The following CDIN1 variants were observed in gnomAD, a reference collection of about 807,000 sequenced individuals.
CDIN1 encodes CDAN1 interacting nuclease 1, also known as CDAN1-interacting nuclease 1.
A neutral mutation model predicts 45.3 loss-of-function variants in CDIN1; 33 were observed. That is an observed-to-expected ratio of 0.73 (90% CI 0.55 to 0.97). The LOEUF is 0.97. CDIN1 is among the 50% of genes least tolerant of loss of function. The pLI, the probability that CDIN1 is intolerant of heterozygous loss-of-function variation, is 0.00. For synonymous variants in CDIN1, 118 were observed against 124.4 expected (o/e 0.95, Z 0.34); for missense variants, 303 against 339.4 (o/e 0.89, Z 0.84).
At chr15:36,749,898 A>G (rs1473583158) in intron 10 of CDIN1, among the ~76,000 whole-genome samples, 1 of 152,196 alleles carries the variant, frequency 6.6e-6, no homozygotes, top group East Asian at 1.9e-4. Flanking sequence ...ACAGGGCACC[A>G]ACCAGGTCCC....
intron 5 of CDIN1, among the ~76,000 whole-genome samples, chr15:36,671,508 TA>T (rs1355854699): frequency 1.3e-5 from 2 of 152,032 alleles, no homozygotes; most frequent in African/African-American, 4.8e-5. Context: ...TTACTGAACA[TA>T]TACCACCCCC....
chr15:36,782,005 C>T (rs951071290), intron 10 of CDIN1, among the ~76,000 whole-genome samples: 8 of 152,118 alleles, frequency 5.3e-5, no homozygotes, highest in African/African-American at 9.7e-5. Context: ...GGCCAGTATA[C>T]ACAGTTTTTC....
chr15:36,764,223 T>G (rs901968615), intron 10 of CDIN1, among the ~76,000 whole-genome samples: 3 of 151,154 alleles, frequency 2.0e-5, no homozygotes, highest in East Asian at 3.9e-4. Context: ...GGTTTTTTTT[T>G]TTTTTTTTTT....
At chr15:36,595,012 G>GA in intron 1 of CDIN1, 1 of 671,552 alleles carries the variant, frequency 1.5e-6, no homozygotes, top group Non-Finnish European at 1.8e-6. Flanking sequence ...AAGCTATAGA[G>GA]AAAAAAATGT....
chr15:36,590,162 G>A (rs2037507703), intron 1 of CDIN1, among the ~76,000 whole-genome samples: 1 of 152,136 alleles, frequency 6.6e-6, no homozygotes, highest in South Asian at 2.1e-4. Context: ...GTGACAGCAA[G>A]TAAAAGTTTG....
At chr15:36,783,313 G>C (rs1157678099) in intron 10 of CDIN1, among the ~76,000 whole-genome samples, 1 of 151,456 alleles carries the variant, frequency 6.6e-6, no homozygotes, top group Non-Finnish European at 1.5e-5. Flanking sequence ...GGAGCATGCA[G>C]ATTTGTGTAA....
intron 1 of CDIN1, among the ~76,000 whole-genome samples, chr15:36,598,593 A>G (rs2037948758): frequency 6.6e-6 from 1 of 152,022 alleles, no homozygotes; most frequent in Non-Finnish European, 1.5e-5. Flanking sequence ...CAGATAAAAC[A>G]TTTTAGGAGA....
rs1566941854 is a variant in CDIN1, at chr15:36,739,096, G to A, written c.716+29135G>A. 3.9e-5 allele frequency among the ~76,000 whole-genome samples: 6 copies of A among 152,124 alleles called. No homozygotes were observed. The South Asian group carries it at 1.2e-3, about 31-fold the overall frequency. On this transcript the variant is annotated intron_variant, in intron 10 of 10. Coordinates refer to ENST00000566621, the MANE Select transcript of CDIN1 (RefSeq NM_001321759.2). ...CAATCATCAGTCTTTGAGTTTTGCG[G>A]TTTGAAGAAAACAAGGCTGGGTGCA... is the stretch of plus-strand genomic sequence containing the variant.
At chr15:36,791,032 G>C (rs2054632471) in intron 10 of CDIN1, among the ~76,000 whole-genome samples, 1 of 152,150 alleles carries the variant, frequency 6.6e-6, no homozygotes. Context: ...CCCAGTGTCT[G>C]TTGTTCTCCT....
chr15:36,636,297 A>T (rs2140369617), intron 1 of CDIN1, among the ~76,000 whole-genome samples: 1 of 152,314 alleles, frequency 6.6e-6, no homozygotes, highest in East Asian at 1.9e-4. Context: ...TCACGCCTGT[A>T]ATCCCAGCAC....
intron 1 of CDIN1, among the ~76,000 whole-genome samples, chr15:36,609,785 G>T (rs573492416): frequency 6.6e-6 from 1 of 152,246 alleles, no homozygotes; most frequent in East Asian, 1.9e-4. Flanking sequence ...TTACTGTCTT[G>T]GAGCTCCAGT....
rs554632617 is a variant in CDIN1, at chr15:36,697,411, C to T, written c.544+21C>T. ...CCTAGGTAAGTATTATTCACATCTT[C>T]TCTAGCTTGTGTTGTCTCCCTGAGT... On this transcript the variant is annotated intron_variant, in intron 8 of 10. Coordinates refer to ENST00000566621, the MANE Select transcript of CDIN1 (RefSeq NM_001321759.2). 92 of 1,582,340 alleles carry T rather than the reference C, an allele frequency of 5.8e-5. 1 individual carries two copies. The Admixed American group carries it at 1.4e-3, about 25-fold the overall frequency.
chr15:36,608,976 T>TATAG (rs35140623), intron 1 of CDIN1, among the ~76,000 whole-genome samples: 35,564 of 149,314 alleles, frequency 0.24, 4,291 homozygotes, highest in Non-Finnish European at 0.27. Context: ...TATGTGTGTA[T>TATAG]ATAGATAGAT....
intron 5 of CDIN1, among the ~76,000 whole-genome samples, chr15:36,671,317 G>T (rs931729799): frequency 6.6e-6 from 1 of 152,040 alleles, no homozygotes; most frequent in African/African-American, 2.4e-5. Flanking sequence ...TGCTTGTCTT[G>T]CTTTTTGCCT....
At chr15:36,633,610 T>C (rs893807683) in intron 1 of CDIN1, among the ~76,000 whole-genome samples, 4 of 152,134 alleles carry the variant, frequency 2.6e-5, no homozygotes, top group African/African-American at 9.7e-5. Flanking sequence ...GCTATTCTTA[T>C]GTATTCTTCT....
intron 1 of CDIN1, among the ~76,000 whole-genome samples, chr15:36,636,763 T>A (rs2039915708): frequency 6.6e-6 from 1 of 152,166 alleles, no homozygotes; most frequent in African/African-American, 2.4e-5. Context: ...CTTTCAATAA[T>A]GTTGTAGTGT....
chr15:36,723,810 T>C (rs1009442864), intron 10 of CDIN1, among the ~76,000 whole-genome samples: 1 of 152,206 alleles, frequency 6.6e-6, no homozygotes, highest in Non-Finnish European at 1.5e-5. Flanking sequence ...TCAGCTGATG[T>C]TCAATAAGTT....
intron 5 of CDIN1, among the ~76,000 whole-genome samples, chr15:36,675,543 A>G (rs762715612): frequency 2.8e-4 from 42 of 152,260 alleles, no homozygotes; most frequent in South Asian, 2.5e-3. Flanking sequence ...TGTAAACTCT[A>G]TCTCTCACTT....
chr15:36,661,060 A>G lies in CDIN1; in HGVS notation c.346+3155A>G, dbSNP rs534795071. ...CCCAGGGAGGTGGGTGGAGCATGTG[A>G]GGCCAGTGTACAGGTGAGTTGTAAA... On this transcript the variant is annotated intron_variant, in intron 5 of 10. Transcript: ENST00000566621. 6.6e-5 allele frequency among the ~76,000 whole-genome samples: 10 copies of G among 152,270 alleles called. 1 individual carries two copies. The South Asian group carries it at 1.9e-3, about 28-fold the overall frequency.
Sources: allele counts gnomAD v4.1 joint callset (sites outside exome capture counted in the v4.1 genomes callset), GRCh38; gene constraint gnomAD v4.1.1; transcripts MANE v1.5; gene names NCBI Gene and HGNC (gene_info 2026-07-23, HGNC 2026-07-21).